NBEA: variants seen among roughly 807,000 people sequenced by gnomAD.
The protein encoded by NBEA is neurobeachin, also known as lysosomal-trafficking regulator 2.
Under a neutral mutation model 343.4 loss-of-function variants are expected in NBEA, and 44 were observed. The observed-to-expected ratio is 0.13, with a 90% confidence interval of 0.10 to 0.16. The LOEUF is 0.16. Among genes scored for constraint, NBEA ranks in the 10% least tolerant of loss-of-function variants. The pLI is 1.00. For missense variants in NBEA, 2,555 were observed against 3,631.3 expected, an observed-to-expected ratio of 0.70 and a Z score of 7.62; for synonymous variants, 1,175 against 1,238.7, an observed-to-expected ratio of 0.95 and a Z score of 1.08.
chr13:35,485,301 C>G (rs1046360459), intron 41 of NBEA, among the ~76,000 whole-genome samples: 1 of 151,902 alleles, frequency 6.6e-6, no homozygotes, highest in Non-Finnish European at 1.5e-5. Context: ...CATCTTTAAC[C>G]TATTTCCTTC....
At chr13:35,433,240 G>T (rs1034096214) in intron 39 of NBEA, among the ~76,000 whole-genome samples, 1 of 152,030 alleles carries the variant, frequency 6.6e-6, no homozygotes, top group Non-Finnish European at 1.5e-5. Context: ...ATTTTTAAAT[G>T]CTGTAACAAG....
At chr13:35,616,425 T>C (rs2082743209) in intron 48 of NBEA, among the ~76,000 whole-genome samples, 1 of 152,226 alleles carries the variant, frequency 6.6e-6, no homozygotes, top group Non-Finnish European at 1.5e-5. Flanking sequence ...TCCAAACACC[T>C]AATTGTGACC....
chr13:35,155,670 T>G, intron 18 of NBEA, 104 bp from the exon 19 acceptor site: 1 of 820,236 alleles, frequency 1.2e-6, no homozygotes, highest in Non-Finnish European at 2.0e-6. Context: ...TTCTTTTGGT[T>G]TGGACTGCAT....
intron 48 of NBEA, among the ~76,000 whole-genome samples, chr13:35,615,917 C>T (rs773801061): frequency 1.3e-5 from 2 of 152,116 alleles, no homozygotes; most frequent in African/African-American, 2.4e-5. Flanking sequence ...CACCCTTACC[C>T]GTAAGGCTTC....
intron 17 of NBEA, among the ~76,000 whole-genome samples, chr13:35,128,883 C>T (rs892224582): frequency 1.3e-5 from 2 of 151,932 alleles, no homozygotes; most frequent in Non-Finnish European, 2.9e-5. Flanking sequence ...GATTTTTTAA[C>T]CCTTCACCCT....
At position 35,173,508 on chromosome 13, in the gene NBEA, C is replaced by G; in HGVS notation, c.4468C>G (p.Gln1490Glu). 1 of 1,609,742 alleles carries G rather than the reference C, an allele frequency of 6.2e-7. No homozygotes were observed. Among genetic ancestry groups the G allele is most frequent in the East Asian group, 2.2e-5 (1 of 44,618 alleles). ...VRNCLECRQR[Q>E]RDRGNKSSHG... ...AAACTGTTTAGAATGTCGGCAAAGACAGAGAGACAGGGGAAATAAATCTTC... is the reference window on the plus strand; with the variant it reads ...AAACTGTTTAGAATGTCGGCAAAGAGAGAGAGACAGGGGAAATAAATCTTC... Residue 1490 changes from glutamine (Q) to glutamate (E), a missense_variant, in exon 27 of 59, where the codon CAG becomes GAG. Gln to Glu is a conservative substitution (Grantham distance 29). Coordinates refer to ENST00000379939, the MANE Select transcript of NBEA (RefSeq NM_001385012.1).
At chr13:35,161,259 A>T (rs573597944) in intron 22 of NBEA, among the ~76,000 whole-genome samples, 3 of 152,142 alleles carry the variant, frequency 2.0e-5, no homozygotes, top group Non-Finnish European at 4.4e-5. Context: ...TTTGTTTTCT[A>T]ACTTATCAAA....
intron 34 of NBEA, among the ~76,000 whole-genome samples, chr13:35,235,743 A>G (rs1207495838): frequency 6.6e-6 from 1 of 152,176 alleles, no homozygotes; most frequent in Non-Finnish European, 1.5e-5. Flanking sequence ...CTTCTCATCA[A>G]TGCACAGAGA....
chr13:35,068,049 A>G (rs1474669068), intron 8 of NBEA, among the ~76,000 whole-genome samples: 1 of 152,100 alleles, frequency 6.6e-6, no homozygotes, highest in Non-Finnish European at 1.5e-5. Flanking sequence ...CTTTATATAT[A>G]AATTTAAAGA....
intron 38 of NBEA, among the ~76,000 whole-genome samples, chr13:35,393,631 T>C (rs1024159562): frequency 6.6e-6 from 1 of 152,024 alleles, no homozygotes; most frequent in Non-Finnish European, 1.5e-5. Flanking sequence ...CATTAAAACA[T>C]CCTTTTTCTT....
chr13:35,097,752 G>A (rs1409767687), intron 10 of NBEA, among the ~76,000 whole-genome samples: 1 of 150,788 alleles, frequency 6.6e-6, no homozygotes, highest in Non-Finnish European at 1.5e-5. Flanking sequence ...GCTCTCATGA[G>A]CTTTTCTTAG....
intron 41 of NBEA, among the ~76,000 whole-genome samples, chr13:35,544,475 A>C (rs530416088): frequency 8.1e-4 from 124 of 152,334 alleles, no homozygotes; most frequent in Non-Finnish European, 1.5e-3. Context: ...GACAACATAT[A>C]CATGTCCGAT....
intron 48 of NBEA, among the ~76,000 whole-genome samples, chr13:35,610,553 T>C (rs1352467662): frequency 6.8e-6 from 1 of 146,740 alleles, no homozygotes; most frequent in Non-Finnish European, 1.5e-5. Flanking sequence ...AAAAATTAAC[T>C]CAAAATAGAT....
At chr13:35,489,810 A>G (rs1272463329) in intron 41 of NBEA, among the ~76,000 whole-genome samples, 3 of 151,934 alleles carry the variant, frequency 2.0e-5, no homozygotes, top group Non-Finnish European at 4.4e-5. Context: ...GGGAAATCAA[A>G]CCTACAAGTA....
chr13:35,008,927 T>C (rs1348708175), intron 1 of NBEA, among the ~76,000 whole-genome samples: 15 of 152,324 alleles, frequency 9.8e-5, no homozygotes, highest in Admixed American at 3.9e-4. Context: ...TTCTCAGCCC[T>C]CCAACTGTTG....
intron 41 of NBEA, 115 bp downstream of exon 41, chr13:35,472,651 A>G: frequency 9.9e-7 from 1 of 1,005,652 alleles, no homozygotes; most frequent in Non-Finnish European, 1.5e-6. Flanking sequence ...CCTCTTTCTC[A>G]TAGAAAATAA....
At chr13:35,258,026 T>C (rs899961450) in intron 34 of NBEA, among the ~76,000 whole-genome samples, 5 of 152,144 alleles carry the variant, frequency 3.3e-5, no homozygotes, top group African/African-American at 1.2e-4. Context: ...TAATGAACTT[T>C]ACATATAATA....
Position 35,149,054 on chromosome 13 carries a change from ATTGT to A in NBEA, c.2445+6692_2445+6695del, listed in dbSNP as rs139186911. On this transcript the variant is annotated intron_variant, in intron 18 of 58. Coordinates refer to ENST00000379939, the MANE Select transcript of NBEA (RefSeq NM_001385012.1). ...TGAGGAAATCTACTGACTGCTCTGAATTGTTTGTTTGTTTGTTTCTGAGCTTAAT... is the reference window on the plus strand; with the variant it reads ...TGAGGAAATCTACTGACTGCTCTGAATTGTTTGTTTGTTTCTGAGCTTAAT... Among the ~76,000 whole-genome samples, 1,020 of 152,218 alleles carry A rather than the reference ATTGT, an allele frequency of 6.7e-3. 9 individuals carry two copies. The highest frequency in any genetic ancestry group is 0.022 in the African/African-American group (933 of 41,518).
At chr13:35,254,242 T>G (rs2032317220) in intron 34 of NBEA, among the ~76,000 whole-genome samples, 2 of 151,920 alleles carry the variant, frequency 1.3e-5, no homozygotes, top group Non-Finnish European at 2.9e-5. Context: ...GGTAATATTC[T>G]TACTATAAAA....
Sources: gnomAD v4.1 joint callset for allele counts (sites outside exome capture counted in the v4.1 genomes callset) on GRCh38, gnomAD v4.1.1 for gene constraint, MANE v1.5 for transcripts, NCBI Gene and HGNC (gene_info 2026-07-23, HGNC 2026-07-21) for gene names.